Variants in NID1 observed in about 807,000 individuals in gnomAD.
NID1 encodes nidogen-1.
In NID1, 76 loss-of-function variants were observed where a neutral mutation model predicts 130.6. That is an observed-to-expected ratio of 0.58 (90% CI 0.48 to 0.70). NID1 has a LOEUF of 0.70. NID1 is among the 30% of genes least tolerant of loss of function. The probability of loss-of-function intolerance (pLI) is 0.00; values close to 1 mark genes in which losing one functional copy is unlikely to be tolerated. For synonymous variants in NID1, 665 were observed against 675.1 expected, an observed-to-expected ratio of 0.98 and a Z score of 0.23; for missense variants, 1,517 against 1,664.8, an observed-to-expected ratio of 0.91 and a Z score of 1.54.
At chr1:236,036,976 C>T (rs571190190) in intron 5 of NID1, among the ~76,000 whole-genome samples, 13 of 152,282 alleles carry the variant, frequency 8.5e-5, no homozygotes, top group African/African-American at 2.6e-4. Flanking sequence ...AAGGGAGGAA[C>T]GTTTAACATG....
chr1:235,979,630 C>T lies in NID1; in HGVS notation c.3509+192G>A, dbSNP rs1458257092. ...ACCTCCTGTCCCCTAGGGCCTTGTC[C>T]TCCCTCCTTCTTCATGCTCCTCTCT... On this transcript the variant is annotated intron_variant, in intron 18 of 19. Coordinates refer to ENST00000264187, the MANE Select transcript of NID1 (RefSeq NM_002508.3). The surrounding 1 kb of genome is among the most constrained non-coding windows in gnomAD (Gnocchi z 4.6). Among the ~76,000 whole-genome samples the T allele has an allele frequency of 1.3e-5, 2 of 152,166 alleles. No individual in the cohort carries two copies. Among genetic ancestry groups the T allele is most frequent in the African/African-American group, 4.8e-5 (2 of 41,438 alleles).
At chr1:236,004,185 T>C (rs1481204377) in intron 12 of NID1, among the ~76,000 whole-genome samples, 1 of 152,130 alleles carries the variant, frequency 6.6e-6, no homozygotes, top group Non-Finnish European at 1.5e-5. Context: ...TGAGAGACTC[T>C]GGAAGAATGC....
At chr1:235,998,042 C>T (rs16833081) in intron 12 of NID1, among the ~76,000 whole-genome samples, 9,568 of 152,134 alleles carry the variant, frequency 0.063, 985 homozygotes, top group African/African-American at 0.21. Flanking sequence ...TGGGAGGTGA[C>T]GAGACAAGGC....
At chr1:236,049,135 A>G (rs1246865476) in intron 1 of NID1, 146 bp from the exon 2 acceptor site, 1 of 792,462 alleles carries the variant, frequency 1.3e-6, no homozygotes, top group Admixed American at 3.1e-5. Flanking sequence ...CCTGAACCGC[A>G]TACCCCAGCA....
chr1:235,991,181 A>T, intron 13 of NID1, 123 bp from the exon 14 acceptor site: 1 of 763,056 alleles, frequency 1.3e-6, no homozygotes, highest in Non-Finnish European at 2.0e-6. Flanking sequence ...ACATCAGGTC[A>T]CATCACCTTC....
At chr1:235,985,684 T>C (rs921691033) in intron 14 of NID1, among the ~76,000 whole-genome samples, 179 bp from the exon 15 acceptor site, 1 of 152,182 alleles carries the variant, frequency 6.6e-6, no homozygotes, top group Non-Finnish European at 1.5e-5. Flanking sequence ...AAAAAACTCC[T>C]GTCATATACA....
chr1:236,065,065 G>C lies in NID1; in HGVS notation c.15C>G (p.Ser5Arg), dbSNP rs760172512. ...GCGTCCACGCAGCCCGGATCCGGCT[G>C]CTCGAGGCCAACATGTTCCCGAACT... MLAS[S>R]SRIRAAWTRA... The change falls in exon 1 of 20, where the codon AGC becomes AGG. Residue 5 changes from serine to arginine, a missense_variant. Physicochemically the swap from Ser to Arg is moderately radical, Grantham distance 110. This residue lies in a region of NID1 where 1,329 missense variants were observed against 1,429.2 expected (regional missense o/e 0.93). Coordinates refer to ENST00000264187, the MANE Select transcript of NID1 (RefSeq NM_002508.3). The surrounding 1 kb of genome is among the most constrained non-coding windows in gnomAD (Gnocchi z 4.1). 1.4e-5 allele frequency: 22 copies of C among 1,550,682 alleles called. No homozygotes were observed. Among genetic ancestry groups the C allele is most frequent in the Non-Finnish European group, 1.8e-5 (21 of 1,147,122 alleles).
intron 1 of NID1, among the ~76,000 whole-genome samples, chr1:236,062,844 T>C (rs1660079687): frequency 6.6e-6 from 1 of 151,970 alleles, no homozygotes; most frequent in African/African-American, 2.4e-5. Flanking sequence ...CTACACCTTG[T>C]TATTTAATGT....
At chr1:236,045,724 C>A (rs3768088) in intron 2 of NID1, 41 bp from the exon 3 acceptor site, 1 of 1,461,984 alleles carries the variant, frequency 6.8e-7, no homozygotes, top group Non-Finnish European at 9.4e-7. Flanking sequence ...GGAAAAATAT[C>A]GATAGATTTT....
At chr1:236,017,007 AGTCT>A (rs1245546000) in intron 10 of NID1, 137 bp downstream of exon 10, 1 of 1,047,612 alleles carries the variant, frequency 9.5e-7, no homozygotes, top group East Asian at 2.4e-5. Context: ...GCAGAGGCTA[AGTCT>A]GATTCATCTT....
chr1:236,011,725 T>C (rs1268355284), intron 12 of NID1, among the ~76,000 whole-genome samples, 196 bp downstream of exon 12: 1 of 152,182 alleles, frequency 6.6e-6, no homozygotes, highest in African/African-American at 2.4e-5. Flanking sequence ...GGCCATGTGC[T>C]CTGGATTCAT....
intron 13 of NID1, among the ~76,000 whole-genome samples, chr1:235,992,063 G>T (rs965297096): frequency 1.3e-5 from 2 of 152,136 alleles, no homozygotes; most frequent in East Asian, 3.9e-4. Context: ...ACACAACTGT[G>T]CTGCAAAGCA....
intron 12 of NID1, among the ~76,000 whole-genome samples, chr1:235,996,462 A>C (rs906175867): frequency 9.9e-5 from 15 of 151,602 alleles, no homozygotes; most frequent in African/African-American, 3.6e-4. Flanking sequence ...TTTTTTTTTA[A>C]GACAGGATTT....
chr1:236,012,967 C>T lies in NID1; in HGVS notation c.2404+444G>A, dbSNP rs1040030243. Among the ~76,000 whole-genome samples, 9 of 152,236 alleles carry T rather than the reference C, an allele frequency of 5.9e-5. No homozygotes were observed. In the South Asian group the frequency reaches 6.2e-4, roughly 11 times the overall value. On this transcript the variant is annotated intron_variant, in intron 11 of 19. Coordinates refer to ENST00000264187, the MANE Select transcript of NID1 (RefSeq NM_002508.3). ...TATTGAGTCATTTATACTTTGACTC[C>T]GCAGTCATTTATTCAATCAGAGAAC...
intron 15 of NID1, among the ~76,000 whole-genome samples, chr1:235,983,404 CATGTCCCTA>C (rs1351640149): frequency 6.6e-6 from 1 of 152,172 alleles, no homozygotes; most frequent in Non-Finnish European, 1.5e-5. Context: ...AAATATTTCC[CATGTCCCTA>C]GATGAACAGG....
At chr1:236,063,580 A>G (rs887086929) in intron 1 of NID1, among the ~76,000 whole-genome samples, 6 of 152,172 alleles carry the variant, frequency 3.9e-5, no homozygotes, top group African/African-American at 1.4e-4. Flanking sequence ...CTGTATTTCA[A>G]CATAATTGCC....
At chr1:235,995,720 T>C (rs1346441769) in intron 12 of NID1, among the ~76,000 whole-genome samples, 11 of 152,242 alleles carry the variant, frequency 7.2e-5, no homozygotes, top group Admixed American at 7.2e-4. Flanking sequence ...AGGAAGTCTG[T>C]TCAGCTCCCC....
intron 10 of NID1, 125 bp downstream of exon 10, chr1:236,017,023 A>T: frequency 8.1e-7 from 1 of 1,228,604 alleles, no homozygotes; most frequent in Non-Finnish European, 1.2e-6. Context: ...ATTCATCTTT[A>T]TAAATTGCTC....
intron 12 of NID1, among the ~76,000 whole-genome samples, chr1:236,011,306 C>CTT (rs60420534): frequency 1.2e-3 from 125 of 100,124 alleles, no homozygotes; most frequent in African/African-American, 2.7e-3. Context: ...CTTTTTTTTT[C>CTT]TTTTTTTTTT....
Sources: gnomAD v4.1 joint callset for allele counts (sites outside exome capture counted in the v4.1 genomes callset) on GRCh38, gnomAD v4.1.1 for gene constraint, gnomAD v4.1.1 regional missense constraint, Gnocchi (gnomAD v3.1) non-coding constraint, MANE v1.5 for transcripts, NCBI Gene and HGNC (gene_info 2026-07-23, HGNC 2026-07-21) for gene names.